Variants in USP6NL observed in about 807,000 individuals in gnomAD.
USP6NL encodes USP6 N-terminal-like protein.
USP6NL carries 26 observed loss-of-function variants against 61.9 expected under a neutral mutation model. The ratio of observed to expected loss-of-function variants is 0.42; its 90% CI spans 0.31 to 0.58. USP6NL has a LOEUF of 0.58. Ranked by LOEUF, USP6NL falls within the 20% of genes least tolerant of loss-of-function variation. The probability of loss-of-function intolerance (pLI) is 0.16; values close to 1 mark genes in which losing one functional copy is unlikely to be tolerated. For synonymous variants in USP6NL, 432 were observed against 390.1 expected (o/e 1.11, Z -1.27); for missense variants, 1,114 against 1,034.3 (o/e 1.08, Z -1.06).
intron 5 of USP6NL, among the ~76,000 whole-genome samples, chr10:11,517,668 A>T (rs974008816): frequency 6.6e-6 from 1 of 152,248 alleles, no homozygotes. Context: ...CTCTATATAC[A>T]TAAAATGGCA....
In USP6NL at chr10:11,468,086, A is replaced by G. The variant is rs1832554093; in HGVS notation, c.1079-4237T>C. 6.6e-6 allele frequency among the ~76,000 whole-genome samples: 1 copy of G among 152,270 alleles called. No homozygotes were observed. Among genetic ancestry groups the G allele is most frequent in the African/African-American group, 2.4e-5 (1 of 41,468 alleles). On this transcript the variant is annotated intron_variant, in intron 14 of 14. Coordinates refer to ENST00000609104, the MANE Select transcript of USP6NL (RefSeq NM_014688.5). This position sits in a 1 kb window ranked among gnomAD's most constrained non-coding sequence, Gnocchi z 4.5. ...AAGTATGGCATCGCTTGATGGAGTC[A>G]TGATGAGTGATCACCTTCTTTGCTT...
rs1837482343 is a variant in USP6NL at position 11,574,793 on chromosome 10, GT to G, written c.4+22837del. On this transcript the variant is annotated intron_variant, in intron 2 of 14. Transcript: ENST00000609104. This position sits in a 1 kb window ranked among gnomAD's most constrained non-coding sequence, Gnocchi z 4.3. ...TTTGCCTTCAGACAGTTAAAGGCTT[GT>G]TATTTTCCCATTTTTCAGCTGGACA... Among the ~76,000 whole-genome samples, 1 of 152,186 alleles carries G rather than the reference GT, an allele frequency of 6.6e-6. No individual in the cohort carries two copies. The highest frequency in any genetic ancestry group is 1.5e-5 in the Non-Finnish European group (1 of 68,030).
chr10:11,466,468 C>A (rs927454170), intron 14 of USP6NL, among the ~76,000 whole-genome samples: 4 of 152,186 alleles, frequency 2.6e-5, no homozygotes. Flanking sequence ...CCACAATAAG[C>A]TGTGTGAACT....
At chr10:11,552,316 A>G (rs1427347280) in intron 2 of USP6NL, among the ~76,000 whole-genome samples, 2 of 152,248 alleles carry the variant, frequency 1.3e-5, no homozygotes, top group African/African-American at 2.4e-5. Context: ...GTGAGTCAGG[A>G]TAGTGAGTCA....
In USP6NL at chr10:11,463,758, C is replaced by T; in HGVS notation, c.1170G>A (p.Arg390=). The change falls in exon 15 of 15, where the codon AGG becomes AGA. Residue 390 remains arginine (R), a synonymous_variant. Transcript: ENST00000609104. The surrounding 1 kb of genome is among the most constrained non-coding windows in gnomAD (Gnocchi z 6.3). ...CCAGCGGGCTCGGCCGGCCCACGCT[C>T]CTCTGTCCGTTGCTCAAGTGATGGA... ...WGVHHLSNGQ[R]SVGRPSPLAS... 1 of 1,576,440 alleles carries T rather than the reference C, an allele frequency of 6.3e-7. No individual in the cohort carries two copies. Among genetic ancestry groups the T allele is most frequent in the Non-Finnish European group, 8.6e-7 (1 of 1,160,714 alleles).
In USP6NL at chr10:11,485,255, C is replaced by A; in HGVS notation, c.760-21G>T. ...GAATCCTGAAAAAACAAAGAGCTCA[C>A]AATTTATGGATTGTAGCAAACTAAA... On this transcript the variant is annotated intron_variant, in intron 11 of 14. Coordinates refer to ENST00000609104, the MANE Select transcript of USP6NL (RefSeq NM_014688.5). The surrounding 1 kb of genome is among the most constrained non-coding windows in gnomAD (Gnocchi z 4.8). 1.3e-6 allele frequency: 2 copies of A among 1,508,026 alleles called. No homozygotes were observed. Among genetic ancestry groups the A allele is most frequent in the Non-Finnish European group, 1.8e-6 (2 of 1,132,130 alleles). 93.4% of individuals were successfully genotyped at this position (1,508,026 alleles called of 1,614,324 possible). A position where few individuals can be genotyped will look rare whatever the true frequency, so the allele number is the denominator to read the frequency against.
intron 2 of USP6NL, among the ~76,000 whole-genome samples, chr10:11,555,101 T>TG (rs1254569731): frequency 7.6e-6 from 1 of 132,232 alleles, no homozygotes; most frequent in Admixed American, 8.0e-5. Flanking sequence ...TGTTTTTTTT[T>TG]TTTTTTGGTT....
At chr10:11,547,762 G>C (rs568085445) in intron 2 of USP6NL, among the ~76,000 whole-genome samples, 18 of 152,026 alleles carry the variant, frequency 1.2e-4, no homozygotes, top group South Asian at 8.3e-4. Flanking sequence ...GGATGGTCTC[G>C]ATCTCCTGAC....
intron 1 of USP6NL, among the ~76,000 whole-genome samples, chr10:11,607,765 TAAG>T (rs966390458): frequency 6.6e-6 from 1 of 152,206 alleles, no homozygotes; most frequent in Admixed American, 6.5e-5. Context: ...ACTAATACAT[TAAG>T]AAGATTAAAA....
intron 2 of USP6NL, among the ~76,000 whole-genome samples, chr10:11,544,849 C>A (rs940051864): frequency 4.6e-5 from 7 of 152,246 alleles, no homozygotes; most frequent in African/African-American, 1.7e-4. Flanking sequence ...CAATAAAAGA[C>A]CAAAAACAAC....
rs1303322985 is a variant in USP6NL at position 11,600,809 on chromosome 10, A to C, written c.-83-3092T>G. On this transcript the variant is annotated intron_variant, in intron 1 of 14. Transcript: ENST00000609104. The surrounding 1 kb of genome is among the most constrained non-coding windows in gnomAD (Gnocchi z 4.1). Reference sequence around the variant, plus strand: ...ATGGTGAAACCCTGTCTCTACTAAAAATATAAAAATTAGCTGGGCGTGGTG... The same window carrying C: ...ATGGTGAAACCCTGTCTCTACTAAACATATAAAAATTAGCTGGGCGTGGTG... Among the ~76,000 whole-genome samples the C allele has an allele frequency of 6.6e-6, 1 of 152,152 alleles. No individual in the cohort carries two copies. The highest frequency in any genetic ancestry group is 6.5e-5 in the Admixed American group (1 of 15,272).
chr10:11,527,265 A>C (rs1835457515), intron 3 of USP6NL, among the ~76,000 whole-genome samples: 1 of 152,214 alleles, frequency 6.6e-6, no homozygotes, highest in African/African-American at 2.4e-5. Flanking sequence ...GGAAACAGCC[A>C]GTGCAAAGGC....
At chr10:11,509,550 T>G in intron 6 of USP6NL, 45 bp downstream of exon 6, 2 of 1,405,210 alleles carry the variant, frequency 1.4e-6, no homozygotes, top group Non-Finnish European at 1.9e-6. Flanking sequence ...AAAATCCACA[T>G]TGAGTTTATA....
chr10:11,559,356 T>C (rs1309038485), intron 2 of USP6NL, among the ~76,000 whole-genome samples: 1 of 152,184 alleles, frequency 6.6e-6, no homozygotes, highest in African/African-American at 2.4e-5. Context: ...AATAAGGATA[T>C]AGCCTACTTT....
At position 11,463,324 on chromosome 10, in the gene USP6NL, T is replaced by C; in HGVS notation, c.1604A>G (p.Lys535Arg). 1.2e-6 allele frequency: 2 copies of C among 1,613,908 alleles called. No individual in the cohort carries two copies. Among genetic ancestry groups the C allele is most frequent in the South Asian group, 1.1e-5 (1 of 91,078 alleles). ...VRVSNVRPKM[K>R]ALDAEDGKRG... is the part of the protein sequence containing the mutation. Reference sequence around the variant, plus strand: ...CTTCCCGTCCTCAGCATCCAGGGCCTTCATCTTTGGCCGCACGTTTGACAC... The same window carrying C: ...CTTCCCGTCCTCAGCATCCAGGGCCCTCATCTTTGGCCGCACGTTTGACAC... Residue 535 changes from lysine (K) to arginine (R), a missense_variant, in exon 15 of 15, where the codon AAG (lysine) becomes AGG (arginine). Coordinates refer to ENST00000609104, the MANE Select transcript of USP6NL (RefSeq NM_014688.5). The surrounding 1 kb of genome is among the most constrained non-coding windows in gnomAD (Gnocchi z 6.3).
rs929032254 is a variant in USP6NL at position 11,513,026 on chromosome 10, T to C, written c.196-3351A>G. On this transcript the variant is annotated intron_variant, in intron 5 of 14. Transcript: ENST00000609104. This position sits in a 1 kb window ranked among gnomAD's most constrained non-coding sequence, Gnocchi z 4.7. ...GTTCTAGTTGGCCTAAATGCCCAAA[T>C]TGTATTATCAAAGTATGAACTCCTT... is the stretch of plus-strand genomic sequence containing the variant. Among the ~76,000 whole-genome samples, 3 of 152,272 alleles carry C rather than the reference T, an allele frequency of 2.0e-5. No homozygotes were observed. Among genetic ancestry groups the C allele is most frequent in the African/African-American group, 4.8e-5 (2 of 41,476 alleles).
Position 11,496,185 on chromosome 10 carries a change from G to T in USP6NL, c.385-2957C>A, listed in dbSNP as rs777117462. On this transcript the variant is annotated intron_variant, in intron 7 of 14. Transcript: ENST00000609104. This position sits in a 1 kb window ranked among gnomAD's most constrained non-coding sequence, Gnocchi z 5.4. ...TCCAGAGGCCCTCTGTTTCATCCTC[G>T]CCAAATAACAAACCTCCAGTCTTGG... is the stretch of plus-strand genomic sequence containing the variant. 2.0e-5 allele frequency among the ~76,000 whole-genome samples: 3 copies of T among 152,156 alleles called. No individual in the cohort carries two copies. The highest frequency in any genetic ancestry group is 4.4e-5 in the Non-Finnish European group (3 of 68,024).
At chr10:11,467,944 T>C (rs751049915) in intron 14 of USP6NL, among the ~76,000 whole-genome samples, 1 of 152,200 alleles carries the variant, frequency 6.6e-6, no homozygotes, top group Non-Finnish European at 1.5e-5. Flanking sequence ...GTAAAAAATA[T>C]TTTTAGCTTA....
intron 2 of USP6NL, chr10:11,563,506 C>T (rs1837019351): frequency 6.6e-6 from 1 of 151,940 alleles, no homozygotes; most frequent in Non-Finnish European, 1.5e-5. Flanking sequence ...GTACCAATAT[C>T]AATATCCTGG....
Sources: gnomAD v4.1 joint callset for allele counts (sites outside exome capture counted in the v4.1 genomes callset) on GRCh38, gnomAD v4.1.1 for gene constraint, Gnocchi (gnomAD v3.1) non-coding constraint, MANE v1.5 for transcripts, NCBI Gene and HGNC (gene_info 2026-07-23, HGNC 2026-07-21) for gene names.